Variants in DLG5 observed in about 807,000 individuals in gnomAD.
The protein encoded by DLG5 is disks large homolog 5.
A neutral mutation model predicts 189.8 loss-of-function variants in DLG5; 48 were observed. The ratio of observed to expected loss-of-function variants is 0.25; its 90% confidence interval spans 0.20 to 0.32. The LOEUF (loss-of-function observed/expected upper bound fraction) is 0.32. DLG5 is among the 10% of genes least tolerant of loss of function. DLG5 has a pLI of 1.00. For synonymous variants in DLG5, 1,016 were observed against 1,054.1 expected (o/e 0.96, Z 0.70); for missense variants, 2,160 against 2,544.7 (o/e 0.85, Z 3.25).
Position 77,812,283 on chromosome 10 carries a change from C to T in DLG5, c.4120G>A (p.Val1374Ile), listed in dbSNP as rs1841815668. ...ATGCTCCCCACGGTCACCTTGGAGA[C>T]GTAGATGCCGCCCTTCTCTCCACTC... ...IVSGEKGGIY[V>I]SKVTVGSIAH... Residue 1374 changes from valine (V) to isoleucine (I), a missense_variant, in exon 21 of 32, where the codon GTC becomes ATC. By Grantham distance (29) the Val-to-Ile change is conservative (BLOSUM62 3). Around this residue, in one of 5 missense-constraint regions of DLG5, gnomAD observed 61 missense variants for 101.0 expected, o/e 0.60. Coordinates refer to ENST00000372391, the MANE Select transcript of DLG5 (RefSeq NM_004747.4). 6 of 1,614,228 alleles carry T rather than the reference C, an allele frequency of 3.7e-6. No homozygotes were observed. The highest frequency in any genetic ancestry group is 1.1e-5 in the South Asian group (1 of 91,090).
intron 24 of DLG5, among the ~76,000 whole-genome samples, chr10:77,808,463 G>A (rs150091139): frequency 5.9e-4 from 90 of 152,172 alleles, no homozygotes; most frequent in African/African-American, 1.9e-3. Flanking sequence ...GTAAAGACAG[G>A]GTCTCACTAT....
At chr10:77,814,170 G>T (rs1841920493) in intron 20 of DLG5, among the ~76,000 whole-genome samples, 2 of 151,822 alleles carry the variant, frequency 1.3e-5, no homozygotes, top group Non-Finnish European at 2.9e-5. Context: ...TAGAGACAGG[G>T]TTTCACCATG....
chr10:77,813,804 C>T (rs947489238), intron 20 of DLG5, among the ~76,000 whole-genome samples: 4 of 152,160 alleles, frequency 2.6e-5, no homozygotes, highest in African/African-American at 7.2e-5. Context: ...CATGCAAAGA[C>T]GTAAGGGACA....
intron 7 of DLG5, among the ~76,000 whole-genome samples, chr10:77,841,381 T>A (rs1458493765): frequency 1.3e-5 from 2 of 152,314 alleles, no homozygotes; most frequent in African/African-American, 4.8e-5. Flanking sequence ...GGGCTCAGCC[T>A]ACTAGCACAT....
chr10:77,835,940 C>A lies in DLG5; in HGVS notation c.1438-18G>T, dbSNP rs1407974948. ...TCTTTGATCTGGTGGGAGCAAGGGG[C>A]AGGAAGAGGGAGAGGTTGCTGAGCC... On this transcript the variant is annotated intron_variant, in intron 7 of 31. Coordinates refer to ENST00000372391, the MANE Select transcript of DLG5 (RefSeq NM_004747.4). 1 of 1,600,110 alleles carries A rather than the reference C, an allele frequency of 6.2e-7. No homozygotes were observed. The highest frequency in any genetic ancestry group is 8.5e-7 in the Non-Finnish European group (1 of 1,169,660).
chr10:77,810,512 A>T (rs1475285715), intron 23 of DLG5, among the ~76,000 whole-genome samples: 1 of 152,212 alleles, frequency 6.6e-6, no homozygotes, highest in African/African-American at 2.4e-5. Flanking sequence ...GCCAGGCTGG[A>T]CGCTGTGCAG....
At chr10:77,935,051 G>A in the DLG5 span, among the ~76,000 whole-genome samples, 6 of 152,096 alleles carry the variant, frequency 3.9e-5, no homozygotes, top group Admixed American at 2.0e-4. Context: ...TAGAGATAGG[G>A]CTTCACTATG....
At chr10:77,823,350 G>T (rs193098627) in intron 14 of DLG5, among the ~76,000 whole-genome samples, 1 of 151,952 alleles carries the variant, frequency 6.6e-6, no homozygotes, top group Non-Finnish European at 1.5e-5. Flanking sequence ...TTCTAAATTC[G>T]GCCTATTTTT....
chr10:77,854,250 C>G lies in DLG5; in HGVS notation c.657G>C (p.Val219=). The G allele has an allele frequency of 6.2e-7, 1 of 1,614,190 alleles. No homozygotes were observed. Among genetic ancestry groups the G allele is most frequent in the Non-Finnish European group, 8.5e-7 (1 of 1,180,030 alleles). The part of the protein sequence containing the change: ...HTNALKRCEE[V]AKETDFYHTL... ...ACTGGTAGAAGTCAGTCTCCTTGGC[C>G]ACCTCCTCACACCTCTTCAAGGCGT... Residue 219 remains valine, a synonymous_variant, in exon 4 of 32, where the codon GTG becomes GTC. Transcript: ENST00000372391.
At chr10:77,925,134 A>G (rs1299645097) in intron 1 of DLG5, among the ~76,000 whole-genome samples, 1 of 152,226 alleles carries the variant, frequency 6.6e-6, no homozygotes, top group African/African-American at 2.4e-5. Context: ...CCTGGCTCTG[A>G]ACAAGTTAAA....
chr10:77,897,921 G>A (rs1350887988), intron 1 of DLG5, among the ~76,000 whole-genome samples: 1 of 152,102 alleles, frequency 6.6e-6, no homozygotes, highest in Non-Finnish European at 1.5e-5. Context: ...CTGGAGAGTG[G>A]TAGAATTTCC....
chr10:77,821,530 G>C lies in DLG5; in HGVS notation c.2954C>G (p.Pro985Arg). 1 of 1,612,796 alleles carries C rather than the reference G, an allele frequency of 6.2e-7. No homozygotes were observed. Among genetic ancestry groups the C allele is most frequent in the East Asian group, 2.2e-5 (1 of 44,876 alleles). Residue 985 changes from proline (P) to arginine (R), a missense_variant, in exon 15 of 32, where the codon CCC (proline) becomes CGC (arginine). Transcript: ENST00000372391. ...DPNTFKRPQT[P>R]PKIDYLLPGP... The stretch of plus-strand genomic sequence containing the variant: ...TGGAAGCAGGTAGTCTATTTTGGGG[G>C]GTGTCTGGGGGCGTTTGAAAGTGTT...
rs115454025 is a variant in DLG5, at chr10:77,856,483, C to T, written c.536+247G>A. ...ACACACACACACACACACACACGAG[C>T]TGACTTTGCACACAAGCACACCACT... is the stretch of plus-strand genomic sequence containing the variant. On this transcript the variant is annotated intron_variant, in intron 3 of 31. Transcript: ENST00000372391. Among the ~76,000 whole-genome samples, 675 of 151,042 alleles carry T rather than the reference C, an allele frequency of 4.5e-3. 5 individuals are homozygous for T. The highest frequency in any genetic ancestry group is 0.016 in the African/African-American group (644 of 40,980).
rs199846595 is a variant in DLG5 at position 77,869,190 on chromosome 10, G to C, written c.312C>G (p.Thr104=). 1.2e-6 allele frequency: 2 copies of C among 1,613,692 alleles called. No homozygotes were observed. Among genetic ancestry groups the C allele is most frequent in the East Asian group, 2.2e-5 (1 of 44,844 alleles). ...AGGGCATGGTGGACAGGACGCTGTAGGTAGAACCTGGGGAAAGAGGGGAGA... is the reference window on the plus strand; with the variant it reads ...AGGGCATGGTGGACAGGACGCTGTACGTAGAACCTGGGGAAAGAGGGGAGA... The part of the protein sequence containing the change: ...PPQPAEGAGS[T]YSVLSTMPSD... The change falls in exon 2 of 32, where the codon ACC becomes ACG. Residue 104 remains threonine, a synonymous_variant. Transcript: ENST00000372391.
At chr10:77,798,199 T>C (rs1016307608) in intron 27 of DLG5, among the ~76,000 whole-genome samples, 4 of 152,012 alleles carry the variant, frequency 2.6e-5, no homozygotes, top group African/African-American at 9.7e-5. Context: ...TAAAAATAAA[T>C]AAAATAATAA....
chr10:77,885,771 A>C (rs1845417978), intron 1 of DLG5, among the ~76,000 whole-genome samples: 1 of 152,366 alleles, frequency 6.6e-6, no homozygotes, highest in South Asian at 2.1e-4. Flanking sequence ...CTCATAGTTT[A>C]AGGGGCATCC....
intron 1 of DLG5, among the ~76,000 whole-genome samples, chr10:77,917,888 G>A (rs944398010): frequency 2.0e-5 from 3 of 151,644 alleles, no homozygotes; most frequent in Non-Finnish European, 4.4e-5. Context: ...TTAGCCAGGC[G>A]TGGTGGTGGG....
At chr10:77,859,744 T>G (rs1039191376) in intron 2 of DLG5, among the ~76,000 whole-genome samples, 5 of 152,222 alleles carry the variant, frequency 3.3e-5, no homozygotes, top group African/African-American at 1.2e-4. Context: ...CAACACAGAC[T>G]GTGTTTAAAA....
intron 27 of DLG5, among the ~76,000 whole-genome samples, chr10:77,800,928 G>T: frequency 6.6e-6 from 1 of 152,188 alleles, no homozygotes; most frequent in East Asian, 1.9e-4. Context: ...ACCACCAGCT[G>T]CACAAAAGCT....
Sources: allele counts gnomAD v4.1 joint callset (sites outside exome capture counted in the v4.1 genomes callset), GRCh38; gene constraint gnomAD v4.1.1; regional missense constraint gnomAD v4.1.1; transcripts MANE v1.5; gene names NCBI Gene and HGNC (gene_info 2026-07-23, HGNC 2026-07-21).